SIPA1L2: variants seen among roughly 807,000 people sequenced by gnomAD.
SIPA1L2 encodes signal induced proliferation associated 1 like 2.
Under a neutral mutation model 163.9 loss-of-function variants are expected in SIPA1L2, and 56 were observed. That is an observed-to-expected ratio of 0.34 (90% CI 0.28 to 0.43). The LOEUF (loss-of-function observed/expected upper bound fraction) is 0.43, where lower values mean the gene tolerates loss of function less well. SIPA1L2 is among the 20% of genes least tolerant of loss of function. The pLI, the probability that SIPA1L2 is intolerant of heterozygous loss-of-function variation, is 1.00. For synonymous variants in SIPA1L2, 877 were observed against 865.7 expected (o/e 1.01, Z -0.23); for missense variants, 1,974 against 2,193.5 (o/e 0.90, Z 2.00).
At chr1:232,527,127 C>T (rs1287261976) in intron 2 of SIPA1L2, among the ~76,000 whole-genome samples, 2 of 152,200 alleles carry the variant, frequency 1.3e-5, no homozygotes, top group Non-Finnish European at 2.9e-5. Flanking sequence ...AGTCTAAATT[C>T]TATGTCCCTC....
chr1:232,545,790 T>C (rs1009346319), intron 2 of SIPA1L2, among the ~76,000 whole-genome samples: 1 of 152,252 alleles, frequency 6.6e-6, no homozygotes, highest in Non-Finnish European at 1.5e-5. Context: ...ATATATGCGA[T>C]AATGTTCTAT....
At chr1:232,448,687 T>C (rs1221366397) in intron 10 of SIPA1L2, among the ~76,000 whole-genome samples, 1 of 152,190 alleles carries the variant, frequency 6.6e-6, no homozygotes, top group Non-Finnish European at 1.5e-5. Context: ...GACCACTGTC[T>C]TTGCAGAATG....
chr1:232,465,483 T>G lies in SIPA1L2; in HGVS notation c.2244-67A>C, dbSNP rs76178660. ...TACCATAATATGTATCTTTCCGAAT[T>G]TGACATATATATACACACACACACA... On this transcript the variant is annotated intron_variant, in intron 8 of 22. Coordinates refer to ENST00000674635, the MANE Select transcript of SIPA1L2 (RefSeq NM_020808.5). This position sits in a 1 kb window ranked among gnomAD's most constrained non-coding sequence, Gnocchi z 4.1. 3 of 1,333,802 alleles carry G rather than the reference T, an allele frequency of 2.2e-6. No homozygotes were observed. Among genetic ancestry groups the G allele is most frequent in the African/African-American group, 1.5e-5 (1 of 67,300 alleles). 82.6% of individuals were successfully genotyped at this position (1,333,802 alleles called of 1,614,324 possible). A position where few individuals can be genotyped will look rare whatever the true frequency, so the allele number is the denominator to read the frequency against.
intron 1 of SIPA1L2, among the ~76,000 whole-genome samples, chr1:232,623,354 C>T (rs1158761351): frequency 6.6e-6 from 1 of 152,218 alleles, no homozygotes; most frequent in African/African-American, 2.4e-5. Context: ...GCCTGTAATC[C>T]CAGCACTCTG....
At chr1:232,443,407 C>T (rs577661321) in intron 12 of SIPA1L2, among the ~76,000 whole-genome samples, 195 bp downstream of exon 12, 14 of 152,300 alleles carry the variant, frequency 9.2e-5, no homozygotes, top group African/African-American at 3.4e-4. Flanking sequence ...AGGCTGAGAA[C>T]ATCGACAAGT....
chr1:232,625,298 G>A (rs748258450), intron 1 of SIPA1L2, among the ~76,000 whole-genome samples: 4 of 152,098 alleles, frequency 2.6e-5, no homozygotes, highest in East Asian at 1.9e-4. Flanking sequence ...TTTCATCACC[G>A]GCTTAAGTAA....
intron 2 of SIPA1L2, among the ~76,000 whole-genome samples, chr1:232,563,692 T>C (rs370572925): frequency 4.6e-5 from 7 of 152,186 alleles, no homozygotes; most frequent in African/African-American, 1.7e-4. Context: ...AGCTAGGGCT[T>C]AGACCGCTGC....
intron 5 of SIPA1L2, among the ~76,000 whole-genome samples, chr1:232,486,547 T>C (rs1665657649): frequency 6.6e-6 from 1 of 152,156 alleles, no homozygotes; most frequent in South Asian, 2.1e-4. Flanking sequence ...AGAAAACACC[T>C]TGCTACACAC....
intron 2 of SIPA1L2, among the ~76,000 whole-genome samples, chr1:232,570,776 A>G (rs1285855829): frequency 2.0e-5 from 3 of 152,160 alleles, no homozygotes; most frequent in Admixed American, 2.0e-4. Flanking sequence ...ACAAGAGAGA[A>G]TACCTGGAGT....
At position 232,443,582 on chromosome 1, in the gene SIPA1L2, A is replaced by C. The variant is rs760669279; in HGVS notation, c.3437+20T>G. 1.7e-5 allele frequency: 27 copies of C among 1,550,806 alleles called. No homozygotes were observed. The highest frequency in any genetic ancestry group is 2.4e-5 in the Non-Finnish European group (27 of 1,145,026). ...AACAGGTTCCTCCCAGTGGATAACT[A>C]AGATAAAAATGAACAGTACCCGTCG... On this transcript the variant is annotated intron_variant, in intron 12 of 22. Coordinates refer to ENST00000674635, the MANE Select transcript of SIPA1L2 (RefSeq NM_020808.5).
intron 2 of SIPA1L2, among the ~76,000 whole-genome samples, chr1:232,519,110 C>G (rs137915748): frequency 9.2e-5 from 14 of 152,272 alleles, no homozygotes; most frequent in Non-Finnish European, 1.2e-4. Context: ...CAGGTAAACA[C>G]AAAATTCAGC....
At chr1:232,520,826 TG>T (rs1416547063) in intron 2 of SIPA1L2, among the ~76,000 whole-genome samples, 2 of 152,188 alleles carry the variant, frequency 1.3e-5, no homozygotes, top group East Asian at 3.9e-4. Flanking sequence ...GCTGAGGTGC[TG>T]CTCGCACTTG....
chr1:232,604,806 A>T (rs6696858), intron 1 of SIPA1L2, among the ~76,000 whole-genome samples: 2 of 151,706 alleles, frequency 1.3e-5, no homozygotes, highest in Non-Finnish European at 2.9e-5. Context: ...GTGGCACATA[A>T]CCCCTCTCCT....
intron 2 of SIPA1L2, among the ~76,000 whole-genome samples, chr1:232,553,646 G>A (rs563022119): frequency 3.9e-5 from 6 of 152,226 alleles, no homozygotes; most frequent in South Asian, 4.1e-4. Context: ...TTAGCTGCTC[G>A]ACTGTCTCCT....
intron 2 of SIPA1L2, among the ~76,000 whole-genome samples, chr1:232,565,802 G>C (rs1016505231): frequency 2.6e-5 from 4 of 152,068 alleles, no homozygotes; most frequent in African/African-American, 7.2e-5. Context: ...AGGTATGAAG[G>C]GGACACAATG....
At position 232,441,403 on chromosome 1, in the gene SIPA1L2, T is replaced by C. The variant is rs1662884477; in HGVS notation, c.3539-9A>G. 1 of 1,596,040 alleles carries C rather than the reference T, an allele frequency of 6.3e-7. No homozygotes were observed. Among genetic ancestry groups the C allele is most frequent in the Non-Finnish European group, 8.5e-7 (1 of 1,172,820 alleles). On this transcript the variant is annotated splice_polypyrimidine_tract_variant and intron_variant, in intron 13 of 22. Transcript: ENST00000674635. ...GCCATGCCATTTGGTTTCTGTCACA[T>C]AAAAAGAGAGGAGTTGAATTTCCAA... is the stretch of plus-strand genomic sequence containing the variant.
At chr1:232,592,309 C>T (rs149711055) in intron 1 of SIPA1L2, among the ~76,000 whole-genome samples, 75 of 152,262 alleles carry the variant, frequency 4.9e-4, no homozygotes, top group African/African-American at 1.7e-3. Context: ...AATTTTCCTC[C>T]GCTATCTGCC....
intron 2 of SIPA1L2, among the ~76,000 whole-genome samples, chr1:232,547,665 A>G (rs775070861): frequency 1.3e-5 from 2 of 152,162 alleles, no homozygotes; most frequent in Non-Finnish European, 2.9e-5. Flanking sequence ...GAAGAACACC[A>G]GCATTGCCAT....
chr1:232,611,120 C>T (rs4649393), intron 1 of SIPA1L2, among the ~76,000 whole-genome samples: 114,461 of 152,058 alleles, frequency 0.75, 43,226 homozygotes, highest in East Asian at 0.82. Context: ...TCAGGGGTTC[C>T]GCTTTTGCAT....
Sources: gnomAD v4.1 joint callset for allele counts (sites outside exome capture counted in the v4.1 genomes callset) on GRCh38, gnomAD v4.1.1 for gene constraint, Gnocchi (gnomAD v3.1) non-coding constraint, MANE v1.5 for transcripts, NCBI Gene and HGNC (gene_info 2026-07-23, HGNC 2026-07-21) for gene names.